EPHA7: variants seen among roughly 807,000 people sequenced by gnomAD.
EPHA7 encodes the protein EPH receptor A7, also known as ephrin type-A receptor 7.
In EPHA7, 25 loss-of-function variants were observed where a neutral mutation model predicts 112.6. The observed-to-expected ratio is 0.22, with a 90% CI of 0.16 to 0.31. EPHA7 has a LOEUF of 0.31. Among genes scored for constraint, EPHA7 ranks in the 10% least tolerant of loss-of-function variants. The probability of loss-of-function intolerance (pLI) is 1.00; values close to 1 mark genes in which losing one functional copy is unlikely to be tolerated. For synonymous variants in EPHA7, 437 were observed against 406.5 expected, an observed-to-expected ratio of 1.07 and a Z score of -0.90; for missense variants, 962 against 1,212.6, an observed-to-expected ratio of 0.79 and a Z score of 3.07.
intron 3 of EPHA7, among the ~76,000 whole-genome samples, chr6:93,376,527 T>C (rs1325706822): frequency 6.6e-6 from 1 of 152,172 alleles, no homozygotes; most frequent in African/African-American, 2.4e-5. Flanking sequence ...CATCATGATA[T>C]ATGAGAACAG....
chr6:93,251,264 G>A (rs1324034301), intron 14 of EPHA7, among the ~76,000 whole-genome samples: 1 of 151,710 alleles, frequency 6.6e-6, no homozygotes, highest in Non-Finnish European at 1.5e-5. Flanking sequence ...AGGAAAATGA[G>A]GTCTCACAAT....
rs1779383423 is a variant in EPHA7 at position 93,418,910 on chromosome 6, C to T, written c.97+335G>A. ...AAGACCGAGCTAGAGAGAGATGTGA[C>T]CCGCCTGAGGTACTAAGAAATAAGC... On this transcript the variant is annotated intron_variant, in intron 1 of 16. Transcript: ENST00000369303. Among the ~76,000 whole-genome samples, 3 of 152,314 alleles carry T rather than the reference C, an allele frequency of 2.0e-5. No homozygotes were observed. In the South Asian group the frequency reaches 6.2e-4, roughly 32 times the overall value.
chr6:93,347,223 C>G lies in EPHA7; in HGVS notation c.1324+9494G>C, dbSNP rs904889454. 2.0e-5 allele frequency among the ~76,000 whole-genome samples: 3 copies of G among 151,696 alleles called. 1 individual carries two copies. Among genetic ancestry groups the G allele is most frequent in the Middle Eastern group, 6.4e-3 (2 of 314 alleles). On this transcript the variant is annotated intron_variant, in intron 5 of 16. Transcript: ENST00000369303. ...ATTGCCAAGAATTTGACAAACTTAC[C>G]CAAGCTTCAAAACTTGGGAACAAAA...
chr6:93,275,932 A>C (rs1324208085), intron 5 of EPHA7, among the ~76,000 whole-genome samples: 1 of 152,008 alleles, frequency 6.6e-6, no homozygotes, highest in Non-Finnish European at 1.5e-5. Flanking sequence ...ACAGAATGGA[A>C]TTTATTCATA....
At chr6:93,273,700 T>G (rs1336777460) in intron 5 of EPHA7, among the ~76,000 whole-genome samples, 1 of 151,986 alleles carries the variant, frequency 6.6e-6, no homozygotes, top group African/African-American at 2.4e-5. Context: ...GTTTACAGTC[T>G]AAATGCATTT....
intron 9 of EPHA7, chr6:93,260,684 T>C (rs1353630130): frequency 2.0e-6 from 2 of 977,424 alleles, no homozygotes; most frequent in African/African-American, 3.5e-5. Flanking sequence ...AATCTTGATT[T>C]ATTCTGCTGT....
intron 5 of EPHA7, among the ~76,000 whole-genome samples, chr6:93,290,250 A>G (rs183031459): frequency 1.3e-5 from 2 of 152,196 alleles, no homozygotes; most frequent in Admixed American, 1.3e-4. Flanking sequence ...TATTTTGGTA[A>G]TTCTCTGACT....
At chr6:93,375,334 G>A (rs1012600951) in intron 3 of EPHA7, among the ~76,000 whole-genome samples, 1 of 151,956 alleles carries the variant, frequency 6.6e-6, no homozygotes, top group African/African-American at 2.4e-5. Flanking sequence ...AACTCAGAGA[G>A]GCCAAGCATG....
chr6:93,280,452 A>T (rs1771676887), intron 5 of EPHA7, among the ~76,000 whole-genome samples: 1 of 152,168 alleles, frequency 6.6e-6, no homozygotes. Flanking sequence ...TCCTTGAATC[A>T]TTCTTCCTCT....
intron 3 of EPHA7, among the ~76,000 whole-genome samples, chr6:93,368,879 A>C (rs1776644410): frequency 6.6e-6 from 1 of 152,116 alleles, no homozygotes; most frequent in Non-Finnish European, 1.5e-5. Context: ...AAGTCTTGTG[A>C]AGCAAATAAC....
At chr6:93,369,534 A>G (rs1254565307) in intron 3 of EPHA7, among the ~76,000 whole-genome samples, 1 of 152,170 alleles carries the variant, frequency 6.6e-6, no homozygotes, top group Middle Eastern at 3.2e-3. Flanking sequence ...AGCAACATCC[A>G]TTCTTCATGA....
At chr6:93,337,128 T>C (rs1180827150) in intron 5 of EPHA7, among the ~76,000 whole-genome samples, 1 of 152,158 alleles carries the variant, frequency 6.6e-6, no homozygotes, top group Non-Finnish European at 1.5e-5. Flanking sequence ...ATTGCTGCTG[T>C]GTTTTCAAAT....
At chr6:93,288,927 T>C (rs1297799348) in intron 5 of EPHA7, among the ~76,000 whole-genome samples, 1 of 152,226 alleles carries the variant, frequency 6.6e-6, no homozygotes, top group Non-Finnish European at 1.5e-5. Context: ...CCCACTAGAC[T>C]GCAAGTACCA....
intron 3 of EPHA7, among the ~76,000 whole-genome samples, chr6:93,373,347 G>T (rs1361337647): frequency 6.6e-6 from 1 of 151,914 alleles, no homozygotes; most frequent in Non-Finnish European, 1.5e-5. Context: ...TAAAGTAATT[G>T]TTCAATAACT....
At chr6:93,244,771 T>A (rs560413038) in intron 16 of EPHA7, among the ~76,000 whole-genome samples, 1 of 152,302 alleles carries the variant, frequency 6.6e-6, no homozygotes, top group East Asian at 1.9e-4. Flanking sequence ...CTTCTTTTGA[T>A]CTCTTCAGAA....
At chr6:93,301,077 G>T (rs1772953776) in intron 5 of EPHA7, among the ~76,000 whole-genome samples, 1 of 152,154 alleles carries the variant, frequency 6.6e-6, no homozygotes, top group South Asian at 2.1e-4. Context: ...TGTTGTGTAT[G>T]TCGTCTGTCC....
At chr6:93,403,935 T>G (rs916754600) in intron 3 of EPHA7, among the ~76,000 whole-genome samples, 2 of 152,068 alleles carry the variant, frequency 1.3e-5, no homozygotes, top group Non-Finnish European at 2.9e-5. Context: ...ATTGTTAATT[T>G]TTTTCTTTTT....
chr6:93,280,260 C>T (rs1239873225), intron 5 of EPHA7, among the ~76,000 whole-genome samples: 3 of 152,250 alleles, frequency 2.0e-5, no homozygotes, highest in Non-Finnish European at 4.4e-5. Context: ...TGTTGTCAAC[C>T]CCATTTGTAA....
chr6:93,299,509 AAG>A (rs1409672834), intron 5 of EPHA7, among the ~76,000 whole-genome samples: 1 of 152,168 alleles, frequency 6.6e-6, no homozygotes, highest in African/African-American at 2.4e-5. Flanking sequence ...TTGCAGAAAA[AAG>A]AGAACATTTA....
Sources: allele counts gnomAD v4.1 joint callset (sites outside exome capture counted in the v4.1 genomes callset), GRCh38; gene constraint gnomAD v4.1.1; transcripts MANE v1.5; gene names NCBI Gene and HGNC (gene_info 2026-07-23, HGNC 2026-07-21).